The following RANBP2 variants were observed in gnomAD, a reference collection of about 807,000 sequenced individuals.
The protein encoded by RANBP2 is RAN binding protein 2, also known as E3 SUMO-protein ligase RanBP2.
A neutral mutation model predicts 303.6 loss-of-function variants in RANBP2; 57 were observed. The observed-to-expected ratio is 0.19, with a 90% CI of 0.15 to 0.23. The LOEUF is 0.23. RANBP2 is among the 10% of genes least tolerant of loss of function. The pLI, the probability that RANBP2 is intolerant of heterozygous loss-of-function variation, is 1.00. For synonymous variants in RANBP2, 1,167 were observed against 1,301.5 expected (o/e 0.90, Z 2.23); for missense variants, 3,138 against 3,780.8 (o/e 0.83, Z 4.46).
chr2:108,879,314 G>A, the RANBP2 span, among the ~76,000 whole-genome samples: 3 of 152,194 alleles, frequency 2.0e-5, no homozygotes, highest in South Asian at 2.1e-4. Flanking sequence ...TTTTTAAAAT[G>A]GCTGCAAGTC....
chr2:108,912,354 C>T, the RANBP2 span, among the ~76,000 whole-genome samples: 8 of 152,170 alleles, frequency 5.3e-5, no homozygotes, highest in South Asian at 2.1e-4. Flanking sequence ...TGTTAACTCC[C>T]GGCCAAACCA....
chr2:109,693,490 G>A, the RANBP2 span, among the ~76,000 whole-genome samples: 3 of 152,126 alleles, frequency 2.0e-5, no homozygotes, highest in African/African-American at 7.2e-5. Context: ...ATTGAATCAT[G>A]GGGTGGTTTC....
the RANBP2 span, among the ~76,000 whole-genome samples, chr2:109,062,997 T>G: frequency 2.0e-5 from 3 of 152,170 alleles, no homozygotes; most frequent in Non-Finnish European, 2.9e-5. Flanking sequence ...GCCTACGGCC[T>G]CAGGACAGGA....
chr2:109,358,676 C>T, the RANBP2 span, among the ~76,000 whole-genome samples: 1 of 152,204 alleles, frequency 6.6e-6, no homozygotes, highest in Non-Finnish European at 1.5e-5. Flanking sequence ...GTGTATTTTG[C>T]ATAATAATCC....
chr2:108,857,777 C>T, the RANBP2 span, among the ~76,000 whole-genome samples: 2 of 152,114 alleles, frequency 1.3e-5, no homozygotes. Flanking sequence ...ACTTAAGTGC[C>T]TAGATTCCCA....
At position 108,768,399 on chromosome 2, in the gene RANBP2, T is replaced by C; in HGVS notation, c.7849+11T>C. 6.2e-7 allele frequency: 1 copy of C among 1,610,654 alleles called. No individual in the cohort carries two copies. Among genetic ancestry groups the C allele is most frequent in the Non-Finnish European group, 8.5e-7 (1 of 1,179,818 alleles). ...AAACACCAGAAAAGGGTAAGTACTT[T>C]GTTGTTAAAGTTAAGCACAATTTTT... On this transcript the variant is annotated intron_variant, in intron 20 of 28. Coordinates refer to ENST00000283195, the MANE Select transcript of RANBP2 (RefSeq NM_006267.5).
At chr2:108,887,202 C>CT in the RANBP2 span, among the ~76,000 whole-genome samples, 132,488 of 152,100 alleles carry the variant, frequency 0.87, 58,107 homozygotes, top group East Asian at 1. Flanking sequence ...AAATATGTGT[C>CT]TTATTTCTGG....
At chr2:109,295,938 C>A in the RANBP2 span, among the ~76,000 whole-genome samples, 1 of 152,194 alleles carries the variant, frequency 6.6e-6, no homozygotes, top group Non-Finnish European at 1.5e-5. Flanking sequence ...TGTGCCGACA[C>A]TGCTCCCTCT....
At chr2:109,468,518 C>A in the RANBP2 span, among the ~76,000 whole-genome samples, 1 of 152,088 alleles carries the variant, frequency 6.6e-6, no homozygotes, top group Middle Eastern at 3.2e-3. Context: ...TGTTTCCATG[C>A]GCCTGGCAAG....
chr2:109,703,260 T>C, the RANBP2 span, among the ~76,000 whole-genome samples: 1 of 152,244 alleles, frequency 6.6e-6, no homozygotes, highest in African/African-American at 2.4e-5. Flanking sequence ...TATTAATCAC[T>C]GAGCTTTGAA....
chr2:109,674,831 A>T, the RANBP2 span, among the ~76,000 whole-genome samples: 3 of 152,092 alleles, frequency 2.0e-5, no homozygotes, highest in African/African-American at 7.2e-5. Flanking sequence ...TTATTCTGAA[A>T]CCATAATTTC....
the RANBP2 span, among the ~76,000 whole-genome samples, chr2:108,919,435 C>T: frequency 0.07 from 10,581 of 152,110 alleles, 451 homozygotes; most frequent in South Asian, 0.12. Flanking sequence ...CTCAGTTCAC[C>T]GCAACCTCCA....
the RANBP2 span, among the ~76,000 whole-genome samples, chr2:109,156,536 C>G: frequency 6.6e-6 from 1 of 151,938 alleles, no homozygotes; most frequent in East Asian, 1.9e-4. Flanking sequence ...GCCTTTACCT[C>G]CTGAGTTCAA....
chr2:109,398,128 C>A, the RANBP2 span, among the ~76,000 whole-genome samples: 2 of 152,216 alleles, frequency 1.3e-5, no homozygotes, highest in African/African-American at 4.8e-5. Flanking sequence ...AAGTGCATTC[C>A]AGTCACATGC....
the RANBP2 span, among the ~76,000 whole-genome samples, chr2:108,861,472 C>CTTTTTTTTTTTTTTTTTT: frequency 8.9e-5 from 11 of 123,524 alleles, 3 homozygotes; most frequent in South Asian, 5.5e-4. Flanking sequence ...AACTTTCTTC[C>CTTTTTTTTTTTTTTTTTT]TTTTTTTTTT....
intron 6 of RANBP2, among the ~76,000 whole-genome samples, chr2:108,737,593 G>C (rs187525515): frequency 1.3e-5 from 2 of 148,344 alleles, no homozygotes; most frequent in South Asian, 4.2e-4. Flanking sequence ...GCTCTCGCCA[G>C]GCTGGCATGC....
At chr2:109,184,285 C>G in the RANBP2 span, among the ~76,000 whole-genome samples, 1 of 152,210 alleles carries the variant, frequency 6.6e-6, no homozygotes, top group East Asian at 1.9e-4. Context: ...TCTGTTCCTT[C>G]TCCCTTACTT....
chr2:109,207,090 T>C, the RANBP2 span, among the ~76,000 whole-genome samples: 1 of 152,162 alleles, frequency 6.6e-6, no homozygotes, highest in Non-Finnish European at 1.5e-5. Flanking sequence ...CTTAGTGCGC[T>C]CAAGAAGAAG....
the RANBP2 span, among the ~76,000 whole-genome samples, chr2:109,121,372 T>C: frequency 2.0e-5 from 3 of 152,216 alleles, no homozygotes; most frequent in Non-Finnish European, 2.9e-5. Context: ...AACTCCTTTC[T>C]AGGAATAAAA....
Sources: allele counts gnomAD v4.1 joint callset (sites outside exome capture counted in the v4.1 genomes callset), GRCh38; gene constraint gnomAD v4.1.1; transcripts MANE v1.5; gene names NCBI Gene and HGNC (gene_info 2026-07-23, HGNC 2026-07-21).